The following MROH1 variants were observed in gnomAD, a reference collection of about 807,000 sequenced individuals.
MROH1 encodes maestro heat-like repeat-containing protein family member 1.
MROH1 carries 117 observed loss-of-function variants against 116.5 expected under a neutral mutation model. The ratio of observed to expected loss-of-function variants is 1.00; its 90% CI spans 0.86 to 1.17. MROH1 has a LOEUF of 1.17. Among genes scored for constraint, MROH1 ranks in the 50% most tolerant of loss-of-function variants. The probability of loss-of-function intolerance (pLI) is 0.00; values close to 1 mark genes in which losing one functional copy is unlikely to be tolerated. For synonymous variants in MROH1, 921 were observed against 583.9 expected (o/e 1.58, Z -8.32); for missense variants, 1,873 against 1,338.5 (o/e 1.40, Z -6.23).
At chr8:144,197,628 G>A (rs759739688) in intron 10 of MROH1, among the ~76,000 whole-genome samples, 12 of 149,214 alleles carry the variant, frequency 8.0e-5, no homozygotes, top group Non-Finnish European at 1.5e-4. Context: ...CTAGAGATGG[G>A]GTTTCACCGT....
chr8:144,257,797 CG>C (rs2129844006), intron 35 of MROH1, among the ~76,000 whole-genome samples: 1 of 152,372 alleles, frequency 6.6e-6, no homozygotes, highest in Non-Finnish European at 1.5e-5. Context: ...CCGTGCCGCT[CG>C]GGGGTTGTCT....
intron 12 of MROH1, among the ~76,000 whole-genome samples, chr8:144,202,312 G>A (rs1196851482): frequency 4.0e-5 from 6 of 150,092 alleles, no homozygotes; most frequent in Non-Finnish European, 5.9e-5. Context: ...GGAAGGCAGC[G>A]ACCCGCTCTG....
intron 4 of MROH1, among the ~76,000 whole-genome samples, chr8:144,179,247 A>G (rs1824905395): frequency 6.6e-6 from 1 of 152,072 alleles, no homozygotes; most frequent in African/African-American, 2.4e-5. Flanking sequence ...GGCGCAGGAT[A>G]ACGCTCCACC....
chr8:144,206,671 G>A (rs1166964351), intron 12 of MROH1, among the ~76,000 whole-genome samples: 3 of 150,842 alleles, frequency 2.0e-5, no homozygotes, highest in African/African-American at 7.3e-5. Flanking sequence ...TGATCCACCC[G>A]CCTCGGTCTC....
At chr8:144,256,640 C>T (rs1247317618) in intron 35 of MROH1, among the ~76,000 whole-genome samples, 2 of 152,186 alleles carry the variant, frequency 1.3e-5, no homozygotes, top group East Asian at 1.9e-4. Context: ...TGTAGGGCTG[C>T]GGGCCCCACG....
In MROH1 at chr8:144,200,526, G is replaced by A. The variant is rs559252127; in HGVS notation, c.1126G>A (p.Val376Ile). ...GGGCACCCTGCAGGTGGTCAGACAT[G>A]TCATCAACTCAGCTGGTGAGTGCCT... ...RVGTLQVVRH[V>I]INSAAAQMED... The change falls in exon 12 of 44, where the codon GTC becomes ATC. Residue 376 changes from valine to isoleucine, a missense_variant. Val to Ile is a conservative substitution (Grantham distance 29, BLOSUM62 3). Transcript: ENST00000326134. The A allele has an allele frequency of 7.1e-6, 11 of 1,550,900 alleles. No homozygotes were observed. Among genetic ancestry groups the A allele is most frequent in the Admixed American group, 2.0e-5 (1 of 51,024 alleles).
At chr8:144,188,722 T>C (rs1252215735) in intron 7 of MROH1, among the ~76,000 whole-genome samples, 3 of 152,026 alleles carry the variant, frequency 2.0e-5, no homozygotes, top group Admixed American at 2.0e-4. Context: ...CGCCTCAGCC[T>C]CCCAAAGTTC....
chr8:144,248,792 G>T (rs906308060), intron 31 of MROH1, 85 bp from the exon 32 acceptor site: 19 of 726,440 alleles, frequency 2.6e-5, no homozygotes, highest in Admixed American at 7.8e-5. Flanking sequence ...CCGCCCTAAC[G>T]CGAGCCCCTG....
chr8:144,261,387 G>C lies in MROH1; in HGVS notation c.4840+38G>C, dbSNP rs922208879. ...CCACGGGGCCCCTCCGCTGGGCCCT[G>C]CTGACCCTGTAGGCACCCGCAGGGA... On this transcript the variant is annotated intron_variant, in intron 43 of 43. Transcript: ENST00000326134. 2.0e-4 allele frequency: 142 copies of C among 700,730 alleles called. 1 individual carries two copies. The highest frequency in any genetic ancestry group is 2.0e-3 in the African/African-American group (112 of 57,294). 43.4% of individuals were successfully genotyped at this position (700,730 alleles called of 1,614,324 possible).
intron 29 of MROH1, 140 bp from the exon 30 acceptor site, chr8:144,247,161 T>C: frequency 3.0e-6 from 2 of 663,850 alleles, no homozygotes; most frequent in South Asian, 3.3e-5. Flanking sequence ...GGGAGCTGTG[T>C]TGGCCACACT....
At chr8:144,171,888 G>A (rs550925895) in intron 4 of MROH1, among the ~76,000 whole-genome samples, 4 of 152,282 alleles carry the variant, frequency 2.6e-5, no homozygotes, top group East Asian at 1.9e-4. Flanking sequence ...CGGGAGCGAC[G>A]TGGAAAACTA....
rs1349858224 is a variant in MROH1, at chr8:144,261,313, C to T, written c.4804C>T (p.Gln1602Ter). 3 of 722,268 alleles carry T rather than the reference C, an allele frequency of 4.2e-6. No individual in the cohort carries two copies. Among genetic ancestry groups the T allele is most frequent in the East Asian group, 5.2e-5 (2 of 38,618 alleles). The allele number at this position is 722,268 out of a possible 1,614,324, so 44.7% of individuals were successfully genotyped here. ...CCTGGTGCTGCACTCGGAGCCCAGG[C>T]AGCAGCCGCAGGTGGACCTGGACCA... Reference protein sequence around the residue: ...GFLVLHSEPRQQPQVDLDQLI... With the variant: ...GFLVLHSEPR The change falls in exon 43 of 44, where the codon CAG (glutamine) becomes TAG (stop). Residue 1602 changes from glutamine (Q) to a stop codon, truncating the protein, a stop_gained. Transcript: ENST00000326134. LOFTEE classifies it high-confidence loss of function.
In MROH1 at chr8:144,259,257, C is replaced by T. The variant is rs1274832085; in HGVS notation, c.3947C>T (p.Ala1316Val). The T allele has an allele frequency of 1.3e-5, 9 of 714,280 alleles. No homozygotes were observed. Among genetic ancestry groups the T allele is most frequent in the Non-Finnish European group, 1.8e-5 (7 of 384,874 alleles). The allele number at this position is 714,280 out of a possible 1,614,324, so 44.2% of individuals were successfully genotyped here. ...TTTCCCAGGGCCATGGCTGAGCACGCAGGGCCCCGACTCCCCCTGGTGCTG... is the reference window on the plus strand; with the variant it reads ...TTTCCCAGGGCCATGGCTGAGCACGTAGGGCCCCGACTCCCCCTGGTGCTG... ...TRLARAMAEH[A>V]GPRLPLVLKT... The change falls in exon 37 of 44, where the codon GCA (alanine) becomes GTA (valine). Residue 1316 changes from alanine to valine, a missense_variant. Physicochemically the swap from Ala to Val is moderately conservative, Grantham distance 64. Transcript: ENST00000326134.
Position 144,175,348 on chromosome 8 carries a change from TC to T in MROH1, c.169-4100del, listed in dbSNP as rs879836342. On this transcript the variant is annotated intron_variant, in intron 4 of 43. Coordinates refer to ENST00000326134, the MANE Select transcript of MROH1 (RefSeq NM_032450.3). ...TGCCCTGCTACACCTGAGCTGCCCC[TC>T]CCCCCCTCCCAGCAACAGGTCTGGT... is the stretch of plus-strand genomic sequence containing the variant. The T allele has an allele frequency of 2.8e-4, 87 of 315,330 alleles. 1 individual carries two copies. The highest frequency in any genetic ancestry group is 3.8e-4 in the South Asian group (3 of 7,924). 19.5% of individuals were successfully genotyped at this position (315,330 alleles called of 1,614,324 possible).
chr8:144,209,072 T>C (rs568436599), intron 12 of MROH1, among the ~76,000 whole-genome samples: 1 of 123,994 alleles, frequency 8.1e-6, no homozygotes, highest in East Asian at 2.3e-4. Context: ...TGTGTGTGTG[T>C]GTTTAGTGGA....
At position 144,259,413 on chromosome 8, in the gene MROH1, C is replaced by T. The variant is rs1844541586; in HGVS notation, c.4044+59C>T. Reference sequence around the variant, plus strand: ...AGGTGGGGCTCCTGCTCAGGACAGGCACGGGATGCCCTTTTCTTACCCCTA... The same window carrying T: ...AGGTGGGGCTCCTGCTCAGGACAGGTACGGGATGCCCTTTTCTTACCCCTA... On this transcript the variant is annotated intron_variant, in intron 37 of 43. Transcript: ENST00000326134. The T allele has an allele frequency of 3.2e-5, 23 of 712,796 alleles. No individual in the cohort carries two copies. The South Asian group carries it at 3.3e-4, about 10-fold the overall frequency. The allele number at this position is 712,796 out of a possible 1,614,324, so 44.2% of individuals were successfully genotyped here.
chr8:144,209,064 T>C (rs1439999662), intron 12 of MROH1, among the ~76,000 whole-genome samples: 13 of 98,024 alleles, frequency 1.3e-4, no homozygotes, highest in Non-Finnish European at 5.2e-5. Context: ...TGTGTGTGTG[T>C]GTGTGTGTGT....
At chr8:144,173,809 C>T (rs1018381224) in intron 4 of MROH1, among the ~76,000 whole-genome samples, 1 of 152,192 alleles carries the variant, frequency 6.6e-6, no homozygotes, top group Non-Finnish European at 1.5e-5. Context: ...CCTCAACTTG[C>T]CTACATTATA....
Position 144,168,365 on chromosome 8 carries a change from C to T in MROH1, c.93C>T (p.Ala31=), listed in dbSNP as rs1304356089. The T allele has an allele frequency of 1.9e-6, 3 of 1,611,320 alleles. No homozygotes were observed. Among genetic ancestry groups the T allele is most frequent in the Non-Finnish European group, 2.5e-6 (3 of 1,179,700 alleles). ...TGGTGCAGGAGCAGGTCTGCAGTGC[C>T]CTGTGCTCCCTCGGGGAGGCGCGGC... ...DPLVQEQVCS[A]LCSLGEARPV... is the part of the protein sequence containing the mutation. The change falls in exon 4 of 44, where the codon GCC becomes GCT. Residue 31 remains alanine (A), a synonymous_variant. Coordinates refer to ENST00000326134, the MANE Select transcript of MROH1 (RefSeq NM_032450.3).
Sources: allele counts gnomAD v4.1 joint callset (sites outside exome capture counted in the v4.1 genomes callset), GRCh38; gene constraint gnomAD v4.1.1; transcripts MANE v1.5; gene names NCBI Gene and HGNC (gene_info 2026-07-23, HGNC 2026-07-21).